DLGAP4: variants seen among roughly 807,000 people sequenced by gnomAD.
DLGAP4 encodes the protein disks large-associated protein 4.
A neutral mutation model predicts 86.9 loss-of-function variants in DLGAP4; 18 were observed. That is an observed-to-expected ratio of 0.21 (90% CI 0.14 to 0.31). DLGAP4 has a LOEUF of 0.31. Among genes scored for constraint, DLGAP4 ranks in the 10% least tolerant of loss-of-function variants. The pLI, the probability that DLGAP4 is intolerant of heterozygous loss-of-function variation, is 1.00. For missense variants in DLGAP4, 1,085 were observed against 1,362.6 expected, an observed-to-expected ratio of 0.80 and a Z score of 3.21; for synonymous variants, 548 against 574.3, an observed-to-expected ratio of 0.95 and a Z score of 0.65.
intron 2 of DLGAP4, among the ~76,000 whole-genome samples, chr20:36,401,983 G>C (rs753206945): frequency 6.6e-6 from 1 of 152,236 alleles, no homozygotes; most frequent in African/African-American, 2.4e-5. Context: ...ACTAGGAGCG[G>C]GGTGTGAGAG....
In DLGAP4 at chr20:36,369,597, A is replaced by C. The variant is rs954804649; in HGVS notation, c.-73+2322A>C. Among the ~76,000 whole-genome samples, 2 of 152,162 alleles carry C rather than the reference A, an allele frequency of 1.3e-5. 1 individual carries two copies. The highest frequency in any genetic ancestry group is 3.8e-4 in the East Asian group (2 of 5,196). ...CTCTGTCTCAAAAAATAATAAAAAC[A>C]ATAGTAATGGCACCATAAAGGCTGG... On this transcript the variant is annotated intron_variant, in intron 2 of 12. Coordinates refer to ENST00000339266, the MANE Select transcript of DLGAP4 (RefSeq NM_001365621.2).
chr20:36,390,194 T>G (rs2031739054), intron 2 of DLGAP4, among the ~76,000 whole-genome samples: 1 of 152,198 alleles, frequency 6.6e-6, no homozygotes, highest in South Asian at 2.1e-4. Flanking sequence ...CTCTGACCCC[T>G]GGAGATGACA....
At position 36,526,865 on chromosome 20, in the gene DLGAP4, C is replaced by T. The variant is rs753107733; in HGVS notation, c.2813C>T (p.Pro938Leu). ...CCAAAGAAGCCAGCCAAATCCAAGC[C>T]GGCAGTGAGCCGCGACAAGGCCTCA... is the stretch of plus-strand genomic sequence containing the variant. ...PVPKKPAKSK[P>L]AVSRDKASDA... The change falls in exon 13 of 13, where the codon CCG becomes CTG. Residue 938 changes from proline (P) to leucine (L), a missense_variant. Coordinates refer to ENST00000339266, the MANE Select transcript of DLGAP4 (RefSeq NM_001365621.2). 12 of 1,612,196 alleles carry T rather than the reference C, an allele frequency of 7.4e-6. No individual in the cohort carries two copies. The highest frequency in any genetic ancestry group is 4.4e-5 in the South Asian group (4 of 90,802).
At chr20:36,490,666 T>C (rs2147743187) in intron 7 of DLGAP4, among the ~76,000 whole-genome samples, 1 of 152,324 alleles carries the variant, frequency 6.6e-6, no homozygotes, top group Admixed American at 6.5e-5. Flanking sequence ...CCAGGGCACC[T>C]GTTCCTCTTG....
intron 5 of DLGAP4, among the ~76,000 whole-genome samples, chr20:36,441,896 C>T (rs2033456854): frequency 6.6e-6 from 1 of 152,172 alleles, no homozygotes; most frequent in Admixed American, 6.5e-5. Context: ...CCTTTAACTA[C>T]ACAAAAAGGC....
chr20:36,347,339 T>C (rs1404531550), intron 1 of DLGAP4, among the ~76,000 whole-genome samples: 4 of 151,988 alleles, frequency 2.6e-5, no homozygotes, highest in Admixed American at 2.6e-4. Flanking sequence ...ATGGATTCTT[T>C]AGTGTGTGTG....
intron 1 of DLGAP4, among the ~76,000 whole-genome samples, chr20:36,312,742 C>T (rs1394686618): frequency 1.5e-4 from 23 of 152,044 alleles, no homozygotes; most frequent in African/African-American, 4.6e-4. Flanking sequence ...CTCTGCACCC[C>T]GGGTGCTGGG....
chr20:36,507,993 C>G (rs1428621306), intron 10 of DLGAP4: 1 of 152,350 alleles, frequency 6.6e-6, no homozygotes, highest in Non-Finnish European at 1.5e-5. Context: ...AGCCTTCTTG[C>G]ATGGTGGCTC....
chr20:36,524,151 C>A (rs1600721676), intron 10 of DLGAP4, 99 bp from the exon 11 acceptor site: 1 of 897,660 alleles, frequency 1.1e-6, no homozygotes, highest in Non-Finnish European at 1.9e-6. Context: ...ATAATGAGTT[C>A]TACCCTAAGG....
intron 2 of DLGAP4, among the ~76,000 whole-genome samples, chr20:36,384,742 A>G (rs2031533988): frequency 6.6e-6 from 1 of 152,296 alleles, no homozygotes; most frequent in South Asian, 2.1e-4. Context: ...CTTCCTGCAA[A>G]GTCTGAGGTT....
intron 10 of DLGAP4, among the ~76,000 whole-genome samples, chr20:36,519,956 TG>T (rs566055142): frequency 0.02 from 3,000 of 150,942 alleles, 117 homozygotes; most frequent in African/African-American, 0.07. Flanking sequence ...ATGCCCAGTT[TG>T]TTTTTTTTTT....
intron 1 of DLGAP4, among the ~76,000 whole-genome samples, chr20:36,356,171 G>T (rs2030320184): frequency 6.6e-6 from 1 of 152,252 alleles, no homozygotes; most frequent in African/African-American, 2.4e-5. Flanking sequence ...GACACATGGA[G>T]GAGGACAGGG....
intron 5 of DLGAP4, among the ~76,000 whole-genome samples, chr20:36,441,728 C>T (rs1364525082): frequency 6.6e-6 from 1 of 151,580 alleles, no homozygotes; most frequent in Non-Finnish European, 1.5e-5. Flanking sequence ...TGTCTGTCTC[C>T]GTCTGTTTCT....
At chr20:36,374,247 C>T (rs1490721206) in intron 2 of DLGAP4, among the ~76,000 whole-genome samples, 2 of 151,910 alleles carry the variant, frequency 1.3e-5, no homozygotes, top group Non-Finnish European at 2.9e-5. Flanking sequence ...GAGGGGAGCA[C>T]ATGGATGATT....
chr20:36,500,071 G>T lies in DLGAP4; in HGVS notation c.2100-128G>T, dbSNP rs1053398281. On this transcript the variant is annotated intron_variant, in intron 9 of 12. Coordinates refer to ENST00000339266, the MANE Select transcript of DLGAP4 (RefSeq NM_001365621.2). The surrounding 1 kb of genome is among the most constrained non-coding windows in gnomAD (Gnocchi z 4.6). ...GGGGGCTGTGGGACCCGCTTCAGGCGCATGGTGAGCAGATGATGCATCCGT... is the reference window on the plus strand; with the variant it reads ...GGGGGCTGTGGGACCCGCTTCAGGCTCATGGTGAGCAGATGATGCATCCGT... The T allele has an allele frequency of 8.9e-7, 1 of 1,126,472 alleles. No homozygotes were observed. The allele number at this position is 1,126,472 out of a possible 1,614,324, so 69.8% of individuals were successfully genotyped here.
In DLGAP4 at chr20:36,463,182, T is replaced by C. The variant is rs143818748; in HGVS notation, c.1648+16245T>C. ...TAATCTGACCACCCTGAGGATTGAC[T>C]TTGGTAGTCTAACCTCTGGGGCCTT... On this transcript the variant is annotated intron_variant, in intron 7 of 12. Coordinates refer to ENST00000339266, the MANE Select transcript of DLGAP4 (RefSeq NM_001365621.2). Among the ~76,000 whole-genome samples, 686 of 152,268 alleles carry C rather than the reference T, an allele frequency of 4.5e-3. 5 individuals carry two copies. The highest frequency in any genetic ancestry group is 0.015 in the African/African-American group (607 of 41,550).
chr20:36,482,695 A>G (rs1744629742), intron 7 of DLGAP4, among the ~76,000 whole-genome samples: 2 of 151,962 alleles, frequency 1.3e-5, no homozygotes, highest in Admixed American at 1.3e-4. Flanking sequence ...TTTTTGAGAC[A>G]GGGTCTAACT....
chr20:36,505,018 C>T (rs1198654683), intron 10 of DLGAP4, among the ~76,000 whole-genome samples: 4 of 149,512 alleles, frequency 2.7e-5, no homozygotes, highest in African/African-American at 5.0e-5. Flanking sequence ...GACGGAGTCT[C>T]GCTCTGTTGC....
intron 7 of DLGAP4, among the ~76,000 whole-genome samples, chr20:36,477,781 G>A (rs1185232585): frequency 6.6e-6 from 1 of 152,232 alleles, no homozygotes; most frequent in Admixed American, 6.5e-5. Flanking sequence ...CTAGCACAGT[G>A]TTTGGATGCA....
Sources: gnomAD v4.1 joint callset for allele counts (sites outside exome capture counted in the v4.1 genomes callset) on GRCh38, gnomAD v4.1.1 for gene constraint, Gnocchi (gnomAD v3.1) non-coding constraint, MANE v1.5 for transcripts, NCBI Gene and HGNC (gene_info 2026-07-23, HGNC 2026-07-21) for gene names.